Variants in LRP1B observed in about 807,000 individuals in gnomAD.
LRP1B encodes the protein low-density lipoprotein receptor-related protein 1B.
A neutral mutation model predicts 556.6 loss-of-function variants in LRP1B; 217 were observed. The ratio of observed to expected loss-of-function variants is 0.39; its 90% CI spans 0.35 to 0.44. LRP1B has a LOEUF of 0.44. LRP1B is among the 20% of genes least tolerant of loss of function. LRP1B has a pLI of 1.00. For missense variants in LRP1B, 5,053 were observed against 5,620.8 expected (o/e 0.90, Z 3.23); for synonymous variants, 2,047 against 1,865.8 (o/e 1.10, Z -2.50).
intron 7 of LRP1B, among the ~76,000 whole-genome samples, chr2:141,124,846 A>C (rs913832964): frequency 4.6e-5 from 7 of 152,068 alleles, no homozygotes; most frequent in African/African-American, 1.7e-4. Context: ...ATGTATATGC[A>C]TATCTTGAGA....
In LRP1B at chr2:141,282,541, G is replaced by A. The variant is rs528557043; in HGVS notation, c.344-27900C>T. Among the ~76,000 whole-genome samples the A allele has an allele frequency of 2.1e-5, 3 of 140,410 alleles. No individual in the cohort carries two copies. In the South Asian group the frequency reaches 7.2e-4, roughly 34 times the overall value. The allele number at this position is 140,410 out of a possible 152,430, so 92.1% of individuals were successfully genotyped here. A position where few individuals can be genotyped will look rare whatever the true frequency, so the allele number is the denominator to read the frequency against. On this transcript the variant is annotated intron_variant, in intron 3 of 90. Coordinates refer to ENST00000389484, the MANE Select transcript of LRP1B (RefSeq NM_018557.3). Reference sequence around the variant, plus strand: ...TATCTATATAGGTTCAAAGGAAGGAGAGAATATACATATACAGGTATATAA... The same window carrying A: ...TATCTATATAGGTTCAAAGGAAGGAAAGAATATACATATACAGGTATATAA...
At chr2:140,371,612 G>GT (rs35459142) in intron 69 of LRP1B, among the ~76,000 whole-genome samples, 79 of 147,774 alleles carry the variant, frequency 5.3e-4, no homozygotes, top group Admixed American at 3.1e-3. Flanking sequence ...TGTTACATGA[G>GT]TTTTTTTTTT....
chr2:140,285,044 G>T, intron 84 of LRP1B, among the ~76,000 whole-genome samples: 1 of 140,654 alleles, frequency 7.1e-6, no homozygotes, highest in African/African-American at 2.6e-5. Flanking sequence ...ATATATATAT[G>T]GATATCTATA....
Position 140,364,796 on chromosome 2 carries a change from A to G in LRP1B, c.11009-13T>C. On this transcript the variant is annotated splice_polypyrimidine_tract_variant and intron_variant, in intron 71 of 90. Coordinates refer to ENST00000389484, the MANE Select transcript of LRP1B (RefSeq NM_018557.3). ...CATATATTTCCTCCTTTATTTTAAAACAAAAAGAAACAAAGAGATTCAGAG... is the reference window on the plus strand; with the variant it reads ...CATATATTTCCTCCTTTATTTTAAAGCAAAAAGAAACAAAGAGATTCAGAG... 8.1e-6 allele frequency: 13 copies of G among 1,606,542 alleles called. No individual in the cohort carries two copies. Among genetic ancestry groups the G allele is most frequent in the Non-Finnish European group, 1.1e-5 (13 of 1,175,364 alleles).
intron 41 of LRP1B, among the ~76,000 whole-genome samples, chr2:140,663,984 T>A (rs559533807): frequency 6.6e-6 from 1 of 152,246 alleles, no homozygotes; most frequent in African/African-American, 2.4e-5. Context: ...TAAAGAGGCC[T>A]GAAGACAGGG....
chr2:141,179,604 C>A (rs1680903719), intron 7 of LRP1B, among the ~76,000 whole-genome samples: 1 of 152,024 alleles, frequency 6.6e-6, no homozygotes, highest in Non-Finnish European at 1.5e-5. Flanking sequence ...ACAATTATAT[C>A]ACTAAAGTCA....
At chr2:140,317,558 T>C (rs1684580322) in intron 82 of LRP1B, among the ~76,000 whole-genome samples, 1 of 152,098 alleles carries the variant, frequency 6.6e-6, no homozygotes, top group Admixed American at 6.6e-5. Flanking sequence ...AGTGGGAATC[T>C]CCAGCAAATA....
chr2:140,820,927 AG>A (rs1691307238), intron 31 of LRP1B, among the ~76,000 whole-genome samples: 1 of 150,700 alleles, frequency 6.6e-6, no homozygotes, highest in East Asian at 1.9e-4. Flanking sequence ...AAAAAAAAAA[AG>A]TATTTTTTTT....
At chr2:141,672,834 A>G (rs1432512800) in intron 2 of LRP1B, among the ~76,000 whole-genome samples, 3 of 152,190 alleles carry the variant, frequency 2.0e-5, no homozygotes, top group African/African-American at 7.2e-5. Flanking sequence ...CTTTAAACCA[A>G]TGCAACCGGA....
intron 1 of LRP1B, among the ~76,000 whole-genome samples, chr2:141,944,129 G>A (rs1016194702): frequency 6.6e-5 from 10 of 152,146 alleles, no homozygotes; most frequent in Non-Finnish European, 1.5e-4. Context: ...GGCACTGAAA[G>A]TGACAATGAC....
At chr2:141,331,510 C>CT (rs1368096371) in intron 3 of LRP1B, among the ~76,000 whole-genome samples, 1 of 64,798 alleles carries the variant, frequency 1.5e-5, no homozygotes, top group Non-Finnish European at 3.3e-5. Context: ...TTCCTTCTTT[C>CT]TTTCTTTCTT....
At chr2:141,142,994 T>C (rs941698883) in intron 7 of LRP1B, among the ~76,000 whole-genome samples, 4 of 145,412 alleles carry the variant, frequency 2.8e-5, no homozygotes, top group Non-Finnish European at 4.5e-5. Context: ...AATGGCGCGA[T>C]CTCGGCTCAC....
chr2:141,075,806 T>C (rs1344525269), intron 7 of LRP1B, among the ~76,000 whole-genome samples: 1 of 152,228 alleles, frequency 6.6e-6, no homozygotes, highest in Non-Finnish European at 1.5e-5. Context: ...TTAGCTGAAC[T>C]GTCCATTTCT....
intron 22 of LRP1B, 108 bp from the exon 23 acceptor site, chr2:140,903,273 A>T: frequency 1.6e-6 from 2 of 1,282,786 alleles, no homozygotes; most frequent in Non-Finnish European, 2.1e-6. Context: ...GGATACTACA[A>T]ATGAATATAA....
chr2:140,741,110 G>T (rs1322194153), intron 35 of LRP1B, among the ~76,000 whole-genome samples: 2 of 152,114 alleles, frequency 1.3e-5, no homozygotes, highest in Non-Finnish European at 2.9e-5. Context: ...ATCTGTATTA[G>T]CCATTAGCAT....
chr2:140,999,443 A>G (rs1697348239), intron 15 of LRP1B, among the ~76,000 whole-genome samples: 1 of 152,066 alleles, frequency 6.6e-6, no homozygotes, highest in East Asian at 1.9e-4. Context: ...AAATTTCTCT[A>G]CTTTCACCAG....
intron 7 of LRP1B, among the ~76,000 whole-genome samples, chr2:141,095,137 C>T (rs761322039): frequency 3.3e-5 from 5 of 151,936 alleles, no homozygotes; most frequent in Non-Finnish European, 5.9e-5. Context: ...CCTCACTAGA[C>T]GATGGCCCTT....
chr2:140,408,911 G>A (rs1684857624), intron 66 of LRP1B, among the ~76,000 whole-genome samples: 1 of 151,962 alleles, frequency 6.6e-6, no homozygotes, highest in African/African-American at 2.4e-5. Flanking sequence ...TATTTAGCAA[G>A]AGTGGTGGGA....
intron 35 of LRP1B, among the ~76,000 whole-genome samples, chr2:140,718,712 TCTC>T (rs1355708932): frequency 9.9e-5 from 15 of 152,198 alleles, no homozygotes; most frequent in Non-Finnish European, 2.1e-4. Context: ...TAAAGTTCCT[TCTC>T]ATGAGTTTCA....
Sources: allele counts gnomAD v4.1 joint callset (sites outside exome capture counted in the v4.1 genomes callset), GRCh38; gene constraint gnomAD v4.1.1; transcripts MANE v1.5; gene names NCBI Gene and HGNC (gene_info 2026-07-23, HGNC 2026-07-21).